The following ME3 variants were observed in gnomAD, a reference collection of about 807,000 sequenced individuals.
ME3 encodes NADP-dependent malic enzyme, mitochondrial.
A neutral mutation model predicts 68.9 loss-of-function variants in ME3; 48 were observed. That is an observed-to-expected ratio of 0.70 (90% CI 0.55 to 0.89). ME3 has a LOEUF of 0.89. Ranked by LOEUF, ME3 falls within the 40% of genes least tolerant of loss-of-function variation. ME3 has a pLI of 0.00. For synonymous variants in ME3, 320 were observed against 318.8 expected (o/e 1.00, Z -0.04); for missense variants, 675 against 797.4 (o/e 0.85, Z 1.85).
At chr11:86,469,870 A>G (rs1248815307) in intron 7 of ME3, among the ~76,000 whole-genome samples, 6 of 149,280 alleles carry the variant, frequency 4.0e-5, no homozygotes, top group Non-Finnish European at 7.4e-5. Flanking sequence ...TTTTCCCTCC[A>G]GTACTCAGGC....
At chr11:86,543,593 A>C (rs1477711681) in intron 4 of ME3, among the ~76,000 whole-genome samples, 3 of 152,228 alleles carry the variant, frequency 2.0e-5, no homozygotes, top group African/African-American at 7.2e-5. Flanking sequence ...TTGAGGCAAC[A>C]AGAAGAGCTA....
chr11:86,568,432 GA>G (rs1466484830), intron 2 of ME3, among the ~76,000 whole-genome samples: 10 of 152,106 alleles, frequency 6.6e-5, no homozygotes, highest in African/African-American at 2.4e-4. Flanking sequence ...TGCTTATGCC[GA>G]ACCATTTTAA....
chr11:86,468,135 A>T (rs1950588337), intron 7 of ME3, among the ~76,000 whole-genome samples: 1 of 152,014 alleles, frequency 6.6e-6, no homozygotes, highest in South Asian at 2.1e-4. Flanking sequence ...CTTCACTTCC[A>T]CTGCACCTGC....
chr11:86,648,019 C>G (rs1488166740), intron 2 of ME3, among the ~76,000 whole-genome samples: 1 of 152,178 alleles, frequency 6.6e-6, no homozygotes, highest in Non-Finnish European at 1.5e-5. Context: ...TAAAATACTC[C>G]TCAGCAAATG....
intron 2 of ME3, among the ~76,000 whole-genome samples, chr11:86,653,073 A>C (rs1283180081): frequency 1.3e-5 from 2 of 152,206 alleles, no homozygotes; most frequent in Admixed American, 1.3e-4. Flanking sequence ...CACCCAATAC[A>C]GGAGCACCCA....
At chr11:86,566,260 C>T (rs1957475092) in intron 2 of ME3, among the ~76,000 whole-genome samples, 2 of 152,200 alleles carry the variant, frequency 1.3e-5, no homozygotes. Flanking sequence ...TCTGGTTAAG[C>T]CTTTTATCTA....
chr11:86,601,838 A>G (rs1209793739), intron 2 of ME3, among the ~76,000 whole-genome samples: 96 of 151,620 alleles, frequency 6.3e-4, no homozygotes, highest in African/African-American at 2.3e-3. Context: ...TATAAACAGA[A>G]CCAAAGACAA....
chr11:86,457,713 T>C (rs1950017065), intron 8 of ME3: 1 of 1,288,208 alleles, frequency 7.8e-7, no homozygotes, highest in Non-Finnish European at 1.0e-6. Flanking sequence ...GGAACATGAC[T>C]TGTGCCCATA....
At chr11:86,617,152 G>A (rs1433716786) in intron 2 of ME3, among the ~76,000 whole-genome samples, 1 of 137,854 alleles carries the variant, frequency 7.3e-6, no homozygotes, top group Non-Finnish European at 1.5e-5. Context: ...TATTACTGCT[G>A]AGTGGCCTTG....
intron 7 of ME3, among the ~76,000 whole-genome samples, chr11:86,469,850 GT>G (rs113560700): frequency 2.0e-3 from 282 of 143,290 alleles, no homozygotes; most frequent in African/African-American, 5.1e-3. Flanking sequence ...GTTTGATTTT[GT>G]TTTTTTTTTT....
chr11:86,497,251 C>G (rs759607061), intron 6 of ME3, among the ~76,000 whole-genome samples: 4 of 152,224 alleles, frequency 2.6e-5, no homozygotes, highest in Non-Finnish European at 4.4e-5. Context: ...TCCCAAAGTG[C>G]TGGGAACACA....
chr11:86,486,400 A>G (rs1951687779), intron 7 of ME3, among the ~76,000 whole-genome samples: 1 of 152,266 alleles, frequency 6.6e-6, no homozygotes, highest in Admixed American at 6.5e-5. Flanking sequence ...CCAAGGTCAC[A>G]TATCTGAAAA....
chr11:86,627,998 C>T (rs1336192202), intron 2 of ME3, among the ~76,000 whole-genome samples: 2 of 152,222 alleles, frequency 1.3e-5, no homozygotes, highest in Non-Finnish European at 2.9e-5. Context: ...TGTCCAGTCA[C>T]CATGTGTGCG....
chr11:86,607,869 C>T (rs1942264685), intron 2 of ME3, among the ~76,000 whole-genome samples: 1 of 151,948 alleles, frequency 6.6e-6, no homozygotes, highest in Non-Finnish European at 1.5e-5. Context: ...TGGGGGGGCA[C>T]TTATCTGCCT....
At chr11:86,472,098 C>T (rs1429502673) in intron 7 of ME3, among the ~76,000 whole-genome samples, 4 of 151,796 alleles carry the variant, frequency 2.6e-5, no homozygotes, top group African/African-American at 4.8e-5. Flanking sequence ...TGGATGGGTG[C>T]GGATGGAAGG....
chr11:86,523,465 A>G lies in ME3; in HGVS notation c.468-14598T>C, dbSNP rs77947884. Among the ~76,000 whole-genome samples the G allele has an allele frequency of 6.3e-3, 957 of 152,342 alleles. 3 individuals are homozygous for G. The highest frequency in any genetic ancestry group is 0.021 in the South Asian group (102 of 4,828). On this transcript the variant is annotated intron_variant, in intron 4 of 14. Coordinates refer to ENST00000543262, the Ensembl canonical transcript of ME3. ...TAAGCCCTATAGAAGACAGGCTTCT[A>G]TTAACACAGAGAAAAACTGAAATAG...
At chr11:86,543,149 A>G (rs567239613) in intron 4 of ME3, among the ~76,000 whole-genome samples, 38 of 152,348 alleles carry the variant, frequency 2.5e-4, no homozygotes, top group South Asian at 8.3e-4. Flanking sequence ...GAGCTCCTGG[A>G]GGAAGCATTA....
At chr11:86,447,329 G>T in intron 11 of ME3, 122 bp from the exon 12 acceptor site, 1 of 1,330,404 alleles carries the variant, frequency 7.5e-7, no homozygotes, top group Admixed American at 2.3e-5. Context: ...CCCAGCATCT[G>T]CCACAAGGAC....
chr11:86,624,530 G>A (rs1943541222), intron 2 of ME3, among the ~76,000 whole-genome samples: 1 of 152,198 alleles, frequency 6.6e-6, no homozygotes, highest in African/African-American at 2.4e-5. Context: ...ACCTCATGCA[G>A]AGTTTCTGGA....
Sources: gnomAD v4.1 joint callset for allele counts (sites outside exome capture counted in the v4.1 genomes callset) on GRCh38, gnomAD v4.1.1 for gene constraint, MANE v1.5 for transcripts, NCBI Gene and HGNC (gene_info 2026-07-23, HGNC 2026-07-21) for gene names.